The following ZNF679 variants were observed in gnomAD, a reference collection of about 807,000 sequenced individuals.
ZNF679 encodes hypothetical protein MGC42415.
Under a neutral mutation model 13.4 loss-of-function variants are expected in ZNF679, and 10 were observed. That is an observed-to-expected ratio of 0.75 (90% CI 0.46 to 1.27). ZNF679 has a LOEUF of 1.27. Among genes scored for constraint, ZNF679 ranks in the 50% most tolerant of loss-of-function variants. The pLI, the probability that ZNF679 is intolerant of heterozygous loss-of-function variation, is 0.00. For synonymous variants in ZNF679, 179 were observed against 162.5 expected (o/e 1.10, Z -0.77); for missense variants, 525 against 477.8 (o/e 1.10, Z -0.92).
intron 1 of ZNF679, among the ~76,000 whole-genome samples, chr7:64,239,535 T>C (rs557482537): frequency 2.0e-5 from 3 of 152,322 alleles, no homozygotes; most frequent in South Asian, 4.1e-4. Flanking sequence ...GACTTGTACC[T>C]GGGCCAAGCA....
intron 2 of ZNF679, among the ~76,000 whole-genome samples, chr7:64,259,512 C>A (rs913733403): frequency 1.3e-5 from 2 of 152,114 alleles, no homozygotes; most frequent in Non-Finnish European, 2.9e-5. Context: ...TCTGAAAAAA[C>A]CTATTAAGAG....
intron 4 of ZNF679, among the ~76,000 whole-genome samples, chr7:64,262,593 A>T (rs767984924): frequency 2.6e-5 from 4 of 152,156 alleles, no homozygotes; most frequent in Non-Finnish European, 4.4e-5. Context: ...TTGTCTGCTC[A>T]TGGCAACCTT....
At chr7:64,229,974 C>T (rs923101375) in intron 1 of ZNF679, among the ~76,000 whole-genome samples, 4 of 152,160 alleles carry the variant, frequency 2.6e-5, no homozygotes, top group Admixed American at 6.5e-5. Context: ...ATAGTCACAT[C>T]GCTTAAATGT....
chr7:64,263,880 C>T (rs1788109372), intron 4 of ZNF679, among the ~76,000 whole-genome samples: 1 of 152,212 alleles, frequency 6.6e-6, no homozygotes, highest in Non-Finnish European at 1.5e-5. Context: ...AAAATGAATT[C>T]ATACACTATA....
rs374133708 is a variant in ZNF679 at position 64,231,360 on chromosome 7, T to A, written c.-91+2708T>A. On this transcript the variant is annotated intron_variant, in intron 1 of 4. Coordinates refer to ENST00000421025, the MANE Select transcript of ZNF679 (RefSeq NM_153363.3). ...GGCAAGGAATATGCCAATATTTCCC[T>A]TGTGAGCAGGGCCCAGGAGGAGAGT... Among the ~76,000 whole-genome samples, 113 of 152,276 alleles carry A rather than the reference T, an allele frequency of 7.4e-4. 5 individuals are homozygous for A. The South Asian group carries it at 0.021, about 29-fold the overall frequency.
At chr7:64,230,491 C>T (rs1353569806) in intron 1 of ZNF679, among the ~76,000 whole-genome samples, 5 of 150,910 alleles carry the variant, frequency 3.3e-5, no homozygotes, top group African/African-American at 9.8e-5. Context: ...CGAGATTGCG[C>T]CACTGCAGTC....
At chr7:64,259,656 G>T (rs770106884) in intron 2 of ZNF679, among the ~76,000 whole-genome samples, 3 of 152,078 alleles carry the variant, frequency 2.0e-5, no homozygotes, top group Non-Finnish European at 4.4e-5. Context: ...GGCCAGGTGC[G>T]GGGGCTCACG....
chr7:64,266,227 A>C lies in ZNF679; in HGVS notation c.594A>C (p.Gln198His), dbSNP rs773229104. 4.8e-5 allele frequency: 76 copies of C among 1,579,666 alleles called. No homozygotes were observed. The highest frequency in any genetic ancestry group is 1.3e-4 in the Admixed American group (7 of 53,750). The change falls in exon 5 of 5, where the codon CAA becomes CAC. Residue 198 changes from glutamine to histidine, a missense_variant. By Grantham distance (24) the Gln-to-His change is conservative (BLOSUM62 0). Coordinates refer to ENST00000421025, the MANE Select transcript of ZNF679 (RefSeq NM_153363.3). ...KYGKSFCMVS[Q>H]LHQHQIIHTR... ...GCAAATCATTTTGCATGGTTTCACA[A>C]CTACATCAACATCAGATAATTCATA...
At chr7:64,261,216 TG>T (rs2115605348) in intron 4 of ZNF679, among the ~76,000 whole-genome samples, 1 of 152,292 alleles carries the variant, frequency 6.6e-6, no homozygotes, top group Admixed American at 6.5e-5. Context: ...ACCATTGTTT[TG>T]GGGGCATGCT....
At chr7:64,259,126 G>T (rs1159388181) in intron 2 of ZNF679, among the ~76,000 whole-genome samples, 1 of 152,012 alleles carries the variant, frequency 6.6e-6, no homozygotes, top group Non-Finnish European at 1.5e-5. Context: ...TGGCCAGGCT[G>T]GTCTCGAACT....
In ZNF679 at chr7:64,236,973, GAAAA is replaced by G. The variant is rs57420349; in HGVS notation, c.-91+8323_-91+8326del. The stretch of plus-strand genomic sequence containing the variant: ...AGAAAGAAAGAAAGAAAGAAAGAAA[GAAAA>G]AGAAAGAAAGAAAGAAAGAAAGAAA... On this transcript the variant is annotated intron_variant, in intron 1 of 4. Coordinates refer to ENST00000421025, the MANE Select transcript of ZNF679 (RefSeq NM_153363.3). Among the ~76,000 whole-genome samples the G allele has an allele frequency of 6.2e-3, 331 of 53,742 alleles. 2 individuals are homozygous for G. The highest frequency in any genetic ancestry group is 0.022 in the Middle Eastern group (2 of 92). 35.3% of individuals were successfully genotyped at this position (53,742 alleles called of 152,430 possible).
chr7:64,244,697 A>T (rs1787843127), intron 1 of ZNF679, among the ~76,000 whole-genome samples: 1 of 152,210 alleles, frequency 6.6e-6, no homozygotes, highest in Admixed American at 6.5e-5. Flanking sequence ...CAAATGACTC[A>T]TTTCCTAAGC....
chr7:64,253,579 T>C lies in ZNF679; in HGVS notation c.39+4423T>C, dbSNP rs142066733. ...CTGTTTTGGGTCAGTTTCTAGACTT[T>C]GTAAAATAAAACAAAATCAGATTTA... On this transcript the variant is annotated intron_variant, in intron 2 of 4. Coordinates refer to ENST00000421025, the MANE Select transcript of ZNF679 (RefSeq NM_153363.3). 8.4e-3 allele frequency among the ~76,000 whole-genome samples: 1,284 copies of C among 152,320 alleles called. 18 individuals are homozygous for C. The highest frequency in any genetic ancestry group is 0.029 in the African/African-American group (1,200 of 41,570).
At chr7:64,241,207 G>T (rs1787794230) in intron 1 of ZNF679, among the ~76,000 whole-genome samples, 1 of 152,196 alleles carries the variant, frequency 6.6e-6, no homozygotes, top group African/African-American at 2.4e-5. Flanking sequence ...CATCCTGCAA[G>T]TTAAAGACCC....
intron 1 of ZNF679, among the ~76,000 whole-genome samples, chr7:64,243,652 C>T (rs748871418): frequency 7.2e-5 from 11 of 152,252 alleles, no homozygotes; most frequent in Middle Eastern, 3.4e-3. Flanking sequence ...CCCAATACCC[C>T]AGGAGGGCAA....
At chr7:64,236,052 G>A (rs1787706643) in intron 1 of ZNF679, among the ~76,000 whole-genome samples, 1 of 152,016 alleles carries the variant, frequency 6.6e-6, no homozygotes. Flanking sequence ...GGATCATGAG[G>A]TCAGGAGTTC....
chr7:64,251,476 A>G (rs1198083134), intron 2 of ZNF679, among the ~76,000 whole-genome samples: 2 of 152,070 alleles, frequency 1.3e-5, no homozygotes, highest in Admixed American at 6.6e-5. Flanking sequence ...AAGAAGAGAA[A>G]AGGCAGAGAG....
chr7:64,263,268 A>T (rs1788102025), intron 4 of ZNF679, among the ~76,000 whole-genome samples: 1 of 151,900 alleles, frequency 6.6e-6, no homozygotes, highest in Admixed American at 6.6e-5. Flanking sequence ...ATTTTTAATT[A>T]TTTGTAGAGA....
intron 2 of ZNF679, among the ~76,000 whole-genome samples, chr7:64,253,996 T>C (rs958950767): frequency 4.6e-5 from 7 of 152,224 alleles, no homozygotes; most frequent in African/African-American, 1.7e-4. Flanking sequence ...AGAGTTTATG[T>C]CTGGCTATGT....
Sources: allele counts gnomAD v4.1 joint callset (sites outside exome capture counted in the v4.1 genomes callset), GRCh38; gene constraint gnomAD v4.1.1; transcripts MANE v1.5; gene names NCBI Gene and HGNC (gene_info 2026-07-23, HGNC 2026-07-21).